Variants in FOXK1 observed in about 807,000 individuals in gnomAD.
FOXK1 encodes the protein forkhead box K1, also known as forkhead box protein K1.
Under a neutral mutation model 51.9 loss-of-function variants are expected in FOXK1, and 19 were observed. That is an observed-to-expected ratio of 0.37 (90% CI 0.26 to 0.54). The LOEUF (loss-of-function observed/expected upper bound fraction) is 0.54, where lower values mean the gene tolerates loss of function less well. Among genes scored for constraint, FOXK1 ranks in the 20% least tolerant of loss-of-function variants. The pLI is 0.87. For missense variants in FOXK1, 870 were observed against 1,032.7 expected (o/e 0.84, Z 2.16); for synonymous variants, 537 against 482.6 (o/e 1.11, Z -1.48).
At position 4,717,500 on chromosome 7, in the gene FOXK1, ATGGCTGGGAGGTGCC is replaced by A. The variant is rs1780251698; in HGVS notation, c.561-23326_561-23312del. ...TGGGAGGCATGTGGCTGGGAGGCGTATGGCTGGGAGGTGCCTGGCTGGGAGGCACGTGGCTGGGAG... is the reference window on the plus strand; with the variant it reads ...TGGGAGGCATGTGGCTGGGAGGCGTATGGCTGGGAGGCACGTGGCTGGGAG... On this transcript the variant is annotated intron_variant, in intron 1 of 8. Transcript: ENST00000328914. 6.0e-5 allele frequency among the ~76,000 whole-genome samples: 8 copies of A among 132,292 alleles called. No individual in the cohort carries two copies. In the South Asian group the frequency reaches 2.0e-3, roughly 34 times the overall value. 86.8% of individuals were successfully genotyped at this position (132,292 alleles called of 152,430 possible).
chr7:4,759,011 G>A, intron 5 of FOXK1, 40 bp from the exon 6 acceptor site: 1 of 1,545,684 alleles, frequency 6.5e-7, no homozygotes, highest in Non-Finnish European at 8.7e-7. Flanking sequence ...GCATCCCTCA[G>A]CGCGGGCGCT....
rs1780532943 is a variant in FOXK1, at chr7:4,734,909, A to G, written c.561-5929A>G. 6.6e-6 allele frequency among the ~76,000 whole-genome samples: 1 copy of G among 152,194 alleles called. No individual in the cohort carries two copies. The highest frequency in any genetic ancestry group is 6.5e-5 in the Admixed American group (1 of 15,276). On this transcript the variant is annotated intron_variant, in intron 1 of 8. Coordinates refer to ENST00000328914, the MANE Select transcript of FOXK1 (RefSeq NM_001037165.2). This position sits in a 1 kb window ranked among gnomAD's most constrained non-coding sequence, Gnocchi z 5.2. ...TGGACAGGAGCGATCTGTCACATTC[A>G]TTTTAAAAATCGCCTCCGGAAGCTT...
chr7:4,704,692 G>C (rs1412759519), intron 1 of FOXK1, among the ~76,000 whole-genome samples: 1 of 152,036 alleles, frequency 6.6e-6, no homozygotes, highest in Non-Finnish European at 1.5e-5. Context: ...GCTGTGCTCG[G>C]ATCACGGGCC....
In FOXK1 at chr7:4,762,335, T is replaced by TGCCTCC. The variant is rs1780944690; in HGVS notation, c.2079_2084dup (p.Ala694_Ser695dup). 2.6e-6 allele frequency: 4 copies of TGCCTCC among 1,550,784 alleles called. No homozygotes were observed. Among genetic ancestry groups the TGCCTCC allele is most frequent in the South Asian group, 1.2e-5 (1 of 84,062 alleles). On this transcript the variant is annotated inframe_insertion, in exon 9 of 9. Transcript: ENST00000328914. The surrounding 1 kb of genome is among the most constrained non-coding windows in gnomAD (Gnocchi z 5.7). ...CCCCAGCCACTGCCACCACCGCCTC[T>TGCCTCC]GCCTCCGCCTCTTCCACTGGAGAGC...
At chr7:4,710,602 T>C (rs538096297) in intron 1 of FOXK1, among the ~76,000 whole-genome samples, 2 of 152,134 alleles carry the variant, frequency 1.3e-5, no homozygotes, top group Non-Finnish European at 2.9e-5. Flanking sequence ...TACATAATAA[T>C]GATAATAAAT....
Position 4,758,656 on chromosome 7 carries a change from A to T in FOXK1, c.1245-395A>T. The T allele has an allele frequency of 4.9e-6, 1 of 203,520 alleles. No individual in the cohort carries two copies. The highest frequency in any genetic ancestry group is 9.8e-6 in the Non-Finnish European group (1 of 101,820). The allele number at this position is 203,520 out of a possible 1,614,324, so 12.6% of individuals were successfully genotyped here. A position where few individuals can be genotyped will look rare whatever the true frequency, so the allele number is the denominator to read the frequency against. On this transcript the variant is annotated intron_variant, in intron 5 of 8. Coordinates refer to ENST00000328914, the MANE Select transcript of FOXK1 (RefSeq NM_001037165.2). The surrounding 1 kb of genome is among the most constrained non-coding windows in gnomAD (Gnocchi z 4.4). ...AAACTGAGCTCCAAATGACGTTCAA[A>T]CACCCCTCTCGGGTAGAGTTTTCAT...
At chr7:4,689,241 G>A (rs373660977) in intron 1 of FOXK1, among the ~76,000 whole-genome samples, 22 of 152,238 alleles carry the variant, frequency 1.4e-4, no homozygotes, top group African/African-American at 4.8e-4. Context: ...GCCTCCCAGA[G>A]TGCCGGGATT....
chr7:4,720,923 A>G (rs1780300913), intron 1 of FOXK1, among the ~76,000 whole-genome samples: 1 of 136,904 alleles, frequency 7.3e-6, no homozygotes, highest in Non-Finnish European at 1.6e-5. Context: ...TCCATAAAAG[A>G]AAAAAAAAAC....
At chr7:4,750,322 T>C (rs771949948) in intron 2 of FOXK1, among the ~76,000 whole-genome samples, 8 of 152,148 alleles carry the variant, frequency 5.3e-5, no homozygotes, top group Non-Finnish European at 1.0e-4. Context: ...AAGGAGTGAT[T>C]CCCTGTTTCC....
intron 1 of FOXK1, among the ~76,000 whole-genome samples, chr7:4,738,241 A>G (rs1440460409): frequency 6.6e-6 from 1 of 151,820 alleles, no homozygotes; most frequent in African/African-American, 2.4e-5. Flanking sequence ...GTTTGAGACC[A>G]GCCTGGCCAA....
Position 4,720,631 on chromosome 7 carries a change from C to G in FOXK1, c.561-20207C>G, listed in dbSNP as rs79398361. ...ACTCCAGCCTCAGCCCCATCTCTCC[C>G]GAGCAGGCAGATGCTTCCTGAGAAT... On this transcript the variant is annotated intron_variant, in intron 1 of 8. Transcript: ENST00000328914. Among the ~76,000 whole-genome samples, 1,301 of 152,200 alleles carry G rather than the reference C, an allele frequency of 8.5e-3. 21 individuals are homozygous for G. Among genetic ancestry groups the G allele is most frequent in the African/African-American group, 0.029 (1,201 of 41,536 alleles).
At chr7:4,728,406 C>T (rs1172499150) in intron 1 of FOXK1, among the ~76,000 whole-genome samples, 5 of 152,346 alleles carry the variant, frequency 3.3e-5, no homozygotes, top group African/African-American at 1.2e-4. Flanking sequence ...GCTCATTCCA[C>T]TTCACATGTA....
intron 2 of FOXK1, among the ~76,000 whole-genome samples, chr7:4,751,273 G>A (rs1235076883): frequency 1.3e-5 from 2 of 148,160 alleles, no homozygotes; most frequent in Non-Finnish European, 3.0e-5. Context: ...CCCTCCTCGG[G>A]TAATCCCAAA....
rs1223280362 is a variant in FOXK1 at position 4,754,540 on chromosome 7, G to T, written c.828G>T (p.Leu276=). The change falls in exon 3 of 9, where the codon CTG becomes CTT. Residue 276 remains leucine, a synonymous_variant. Coordinates refer to ENST00000328914, the MANE Select transcript of FOXK1 (RefSeq NM_001037165.2). The stretch of plus-strand genomic sequence containing the variant: ...TTGTGCAGAACGTGACCTCGGACCT[G>T]CAGCTGGCAGCAGAGTTTGCAGCAA... ...YRFVQNVTSD[L]QLAAEFAAKA... is the part of the protein sequence containing the mutation. 1 of 1,611,494 alleles carries T rather than the reference G, an allele frequency of 6.2e-7. No individual in the cohort carries two copies. Among genetic ancestry groups the T allele is most frequent in the African/African-American group, 1.3e-5 (1 of 74,952 alleles).
At position 4,764,710 on chromosome 7, in the gene FOXK1, C is replaced by G. The variant is rs1780986861; in HGVS notation, c.*2246C>G. On this transcript the variant is annotated 3_prime_UTR_variant, in exon 9 of 9. Transcript: ENST00000328914. ...TGGTGACTATATGTCCTCAGGGCTGCCTGTGGCCACCCTGATGGGAGACCT... is the reference window on the plus strand; with the variant it reads ...TGGTGACTATATGTCCTCAGGGCTGGCTGTGGCCACCCTGATGGGAGACCT... 1 of 152,296 alleles carries G rather than the reference C, an allele frequency of 6.6e-6. No homozygotes were observed. Among genetic ancestry groups the G allele is most frequent in the Non-Finnish European group, 1.5e-5 (1 of 68,102 alleles). 9.4% of individuals were successfully genotyped at this position (152,296 alleles called of 1,614,324 possible).
chr7:4,726,779 A>G (rs941350843), intron 1 of FOXK1, among the ~76,000 whole-genome samples: 2 of 152,286 alleles, frequency 1.3e-5, no homozygotes, highest in East Asian at 3.9e-4. Flanking sequence ...CTCTATTCAT[A>G]GGGGGAAATG....
At position 4,762,404 on chromosome 7, in the gene FOXK1, A is replaced by G. The variant is rs1053753; in HGVS notation, c.2142A>G (p.Val714=). The G allele has an allele frequency of 0.18, 272,867 of 1,550,030 alleles. 31,938 individuals are homozygous for G. Among genetic ancestry groups the G allele is most frequent in the African/African-American group, 0.59 (43,246 of 73,102 alleles). ...RSRVEEPSGA[V]TTPAGVIAAA... is the part of the protein sequence containing the mutation. ...GGGTGGAGGAGCCCAGTGGTGCTGT[A>G]ACCACACCGGCTGGAGTGATCGCAG... is the stretch of plus-strand genomic sequence containing the variant. Residue 714 remains valine (V), a synonymous_variant, in exon 9 of 9, where the codon GTA becomes GTG. Transcript: ENST00000328914. This position sits in a 1 kb window ranked among gnomAD's most constrained non-coding sequence, Gnocchi z 5.7.
Position 4,723,202 on chromosome 7 carries a change from G to A in FOXK1, c.561-17636G>A, listed in dbSNP as rs1329798222. 2.0e-5 allele frequency among the ~76,000 whole-genome samples: 3 copies of A among 151,920 alleles called. No individual in the cohort carries two copies. Among genetic ancestry groups the A allele is most frequent in the Admixed American group, 1.3e-4 (2 of 15,254 alleles). ...CTCGCGGTCACCCATAGGGTGGGTG[G>A]ACACCCATGGCGGCTTGCACGTTGC... is the stretch of plus-strand genomic sequence containing the variant. On this transcript the variant is annotated intron_variant, in intron 1 of 8. Coordinates refer to ENST00000328914, the MANE Select transcript of FOXK1 (RefSeq NM_001037165.2). The surrounding 1 kb of genome is among the most constrained non-coding windows in gnomAD (Gnocchi z 4.7).
intron 1 of FOXK1, among the ~76,000 whole-genome samples, chr7:4,701,393 C>T (rs1780019887): frequency 6.6e-6 from 1 of 152,128 alleles, no homozygotes; most frequent in African/African-American, 2.4e-5. Flanking sequence ...GTTTTAGCCA[C>T]CGTGCCCAGC....
Sources: gnomAD v4.1 joint callset for allele counts (sites outside exome capture counted in the v4.1 genomes callset) on GRCh38, gnomAD v4.1.1 for gene constraint, Gnocchi (gnomAD v3.1) non-coding constraint, MANE v1.5 for transcripts, NCBI Gene and HGNC (gene_info 2026-07-23, HGNC 2026-07-21) for gene names.